GLIS2: variants seen among roughly 807,000 people sequenced by gnomAD.
GLIS2 encodes zinc finger protein GLIS2.
A neutral mutation model predicts 35.6 loss-of-function variants in GLIS2; 14 were observed. That is an observed-to-expected ratio of 0.39 (90% CI 0.26 to 0.61). GLIS2 has a LOEUF of 0.61. Among genes scored for constraint, GLIS2 ranks in the 20% least tolerant of loss-of-function variants. The pLI is 0.48. For synonymous variants in GLIS2, 368 were observed against 325.1 expected (o/e 1.13, Z -1.42); for missense variants, 675 against 713.4 (o/e 0.95, Z 0.61).
chr16:4,322,153 G>T (rs1290272537), intron 1 of GLIS2, among the ~76,000 whole-genome samples: 2 of 151,492 alleles, frequency 1.3e-5, no homozygotes, highest in Non-Finnish European at 2.9e-5. Flanking sequence ...GGGGGCAGGG[G>T]ATCCTGAGGA....
rs2053360664 is a variant in GLIS2, at chr16:4,320,011, GA to G, written c.-67+3758del. ...TCTGCCCCAGCAGCCCCTGCTGGGG[GA>G]TGGGTGGGGGCTGAGACTCTTCCAG... On this transcript the variant is annotated intron_variant, in intron 1 of 6. Transcript: ENST00000433375. This position sits in a 1 kb window ranked among gnomAD's most constrained non-coding sequence, Gnocchi z 5.6. Among the ~76,000 whole-genome samples, 1 of 151,602 alleles carries G rather than the reference GA, an allele frequency of 6.6e-6. No homozygotes were observed. Among genetic ancestry groups the G allele is most frequent in the African/African-American group, 2.4e-5 (1 of 41,272 alleles).
intron 1 of GLIS2, among the ~76,000 whole-genome samples, chr16:4,327,528 G>T (rs1425685697): frequency 3.9e-5 from 6 of 152,310 alleles, no homozygotes; most frequent in Admixed American, 3.9e-4. Flanking sequence ...TGCCAGGGCG[G>T]GATCCTTGGC....
chr16:4,326,730 C>G (rs912126946), intron 1 of GLIS2, among the ~76,000 whole-genome samples: 2 of 151,220 alleles, frequency 1.3e-5, no homozygotes, highest in East Asian at 1.9e-4. Context: ...GCTGGGACCA[C>G]AGGTCCCTGC....
rs2053546259 is a variant in GLIS2, at chr16:4,335,908, A to G, written c.775+515A>G. On this transcript the variant is annotated intron_variant, in intron 6 of 6. Transcript: ENST00000433375. The surrounding 1 kb of genome is among the most constrained non-coding windows in gnomAD (Gnocchi z 4.6). ...TTCTTCATTTCATGACAAAGCCTCA[A>G]GGAGCTGATGTGTATGTTTTTTCCT... 1 of 188,834 alleles carries G rather than the reference A, an allele frequency of 5.3e-6. No individual in the cohort carries two copies. The highest frequency in any genetic ancestry group is 1.1e-4 in the South Asian group (1 of 9,398). The allele number at this position is 188,834 out of a possible 1,614,324, so 11.7% of individuals were successfully genotyped here.
rs1411538265 is a variant in GLIS2 at position 4,320,872 on chromosome 16, A to T, written c.-67+4618A>T. On this transcript the variant is annotated intron_variant, in intron 1 of 6. Coordinates refer to ENST00000433375, the MANE Select transcript of GLIS2 (RefSeq NM_032575.3). This position sits in a 1 kb window ranked among gnomAD's most constrained non-coding sequence, Gnocchi z 5.6. ...CTCCCTGCCAGCCCCGGCCTCCCCC[A>T]GCACCCCCCGGAGCACCTAGTGGTC... 6.6e-6 allele frequency among the ~76,000 whole-genome samples: 1 copy of T among 151,456 alleles called. No homozygotes were observed. Among genetic ancestry groups the T allele is most frequent in the East Asian group, 1.9e-4 (1 of 5,136 alleles).
In GLIS2 at chr16:4,325,719, G is replaced by A. The variant is rs1478091103; in HGVS notation, c.-66-6496G>A. Among the ~76,000 whole-genome samples, 4 of 151,576 alleles carry A rather than the reference G, an allele frequency of 2.6e-5. 1 individual carries two copies. Among genetic ancestry groups the A allele is most frequent in the African/African-American group, 7.3e-5 (3 of 41,114 alleles). ...GAGACAGGAGGATGGCTTGAGTCCA[G>A]GAGATCGAGACCAGCCTGGATGACA... On this transcript the variant is annotated intron_variant, in intron 1 of 6. Transcript: ENST00000433375.
intron 1 of GLIS2, among the ~76,000 whole-genome samples, chr16:4,322,581 G>A (rs3888627): frequency 3.9e-5 from 6 of 152,030 alleles, no homozygotes; most frequent in Non-Finnish European, 8.8e-5. Flanking sequence ...CCATATCCAT[G>A]AGGCTGACCC....
intron 1 of GLIS2, among the ~76,000 whole-genome samples, chr16:4,329,369 C>T (rs934505396): frequency 1.3e-5 from 2 of 152,168 alleles, no homozygotes; most frequent in African/African-American, 4.8e-5. Context: ...GCCTGGGAGG[C>T]AAATTCAAAC....
At chr16:4,317,822 G>T (rs898192262) in intron 1 of GLIS2, among the ~76,000 whole-genome samples, 1 of 152,130 alleles carries the variant, frequency 6.6e-6, no homozygotes, top group Non-Finnish European at 1.5e-5. Context: ...GGGGGTGTGC[G>T]GACCCCTTGG....
intron 1 of GLIS2, among the ~76,000 whole-genome samples, chr16:4,317,384 G>C (rs2053325457): frequency 6.6e-6 from 1 of 152,190 alleles, no homozygotes; most frequent in African/African-American, 2.4e-5. Flanking sequence ...CCGCCATCCT[G>C]CGTGTCCTGG....
chr16:4,329,395 A>T (rs1189355438), intron 1 of GLIS2, among the ~76,000 whole-genome samples: 1 of 151,728 alleles, frequency 6.6e-6, no homozygotes, highest in Non-Finnish European at 1.5e-5. Context: ...GACAGCTCCA[A>T]CAGGGGCGAA....
chr16:4,334,644 A>C (rs1407442922), intron 3 of GLIS2, among the ~76,000 whole-genome samples, 157 bp from the exon 4 acceptor site: 1 of 151,908 alleles, frequency 6.6e-6, no homozygotes, highest in Non-Finnish European at 1.5e-5. Flanking sequence ...TTACATCTGC[A>C]AAGATCCTAG....
chr16:4,332,215 G>T lies in GLIS2; in HGVS notation c.-66G>T. On this transcript the variant is annotated splice_region_variant and 5_prime_UTR_variant, in exon 2 of 7. Coordinates refer to ENST00000433375, the MANE Select transcript of GLIS2 (RefSeq NM_032575.3). The surrounding 1 kb of genome is among the most constrained non-coding windows in gnomAD (Gnocchi z 5.4). The stretch of plus-strand genomic sequence containing the variant: ...CAGCACAGCTCCTGTCCTTCCCCAG[G>T]TTCCTGCGTGAAGACCAGCTGGGAG... 6 of 1,573,152 alleles carry T rather than the reference G, an allele frequency of 3.8e-6. No homozygotes were observed. The highest frequency in any genetic ancestry group is 3.4e-5 in the South Asian group (3 of 87,470).
chr16:4,334,218 C>A (rs11643478), intron 3 of GLIS2, among the ~76,000 whole-genome samples: 1 of 139,232 alleles, frequency 7.2e-6, no homozygotes, highest in South Asian at 2.4e-4. Flanking sequence ...GGATTACAGG[C>A]GTGAGCCACT....
intron 1 of GLIS2, among the ~76,000 whole-genome samples, chr16:4,321,822 A>G (rs1188452343): frequency 3.3e-5 from 5 of 152,114 alleles, no homozygotes; most frequent in African/African-American, 4.8e-5. Context: ...GGCCAGTGGG[A>G]GGCCTGGGGC....
chr16:4,315,764 C>A (rs1470474497), upstream of GLIS2, among the ~76,000 whole-genome samples: 1 of 150,780 alleles, frequency 6.6e-6, no homozygotes, highest in East Asian at 2.0e-4. Flanking sequence ...CCGCTCCCCG[C>A]GGCCGCGCCG....
chr16:4,318,839 C>T (rs908520570), intron 1 of GLIS2, among the ~76,000 whole-genome samples: 5 of 152,228 alleles, frequency 3.3e-5, no homozygotes, highest in Non-Finnish European at 7.3e-5. Flanking sequence ...TCTAGCCACC[C>T]GCTCCACTCG....
chr16:4,332,184 G>T lies in GLIS2; in HGVS notation c.-66-31G>T. 2.1e-6 allele frequency: 3 copies of T among 1,454,000 alleles called. No homozygotes were observed. Among genetic ancestry groups the T allele is most frequent in the Non-Finnish European group, 1.9e-6 (2 of 1,065,258 alleles). The allele number at this position is 1,454,000 out of a possible 1,614,324, so 90.1% of individuals were successfully genotyped here. ...GCCCGAGGAGAAGCCTGGGGTCTCA[G>T]TGCCACAGCACAGCTCCTGTCCTTC... On this transcript the variant is annotated intron_variant, in intron 1 of 6. Transcript: ENST00000433375. The surrounding 1 kb of genome is among the most constrained non-coding windows in gnomAD (Gnocchi z 5.4).
rs1431582191 is a variant in GLIS2 at position 4,337,111 on chromosome 16, A to G, written c.1162A>G (p.Asn388Asp). ...TGACCTCAGTGCCCTGGCCTGTGGCAACGGTGGGGGCAGTGGGGGTGGGGG... is the reference window on the plus strand; with the variant it reads ...TGACCTCAGTGCCCTGGCCTGTGGCGACGGTGGGGGCAGTGGGGGTGGGGG... The part of the protein sequence containing the change: ...PLDLSALACG[N>D]GGGSGGGGGM... Residue 388 changes from asparagine (N) to aspartate (D), a missense_variant, in exon 7 of 7, where the codon AAC becomes GAC. By Grantham distance (23) the Asn-to-Asp change is conservative. Transcript: ENST00000433375. 6.5e-7 allele frequency: 1 copy of G among 1,536,108 alleles called. No homozygotes were observed. Among genetic ancestry groups the G allele is most frequent in the African/African-American group, 1.4e-5 (1 of 73,076 alleles).
Sources: allele counts gnomAD v4.1 joint callset (sites outside exome capture counted in the v4.1 genomes callset), GRCh38; gene constraint gnomAD v4.1.1; non-coding constraint Gnocchi (gnomAD v3.1); transcripts MANE v1.5; gene names NCBI Gene and HGNC (gene_info 2026-07-23, HGNC 2026-07-21).